HSF1: variants seen among roughly 807,000 people sequenced by gnomAD.
HSF1 encodes the protein heat shock factor protein 1.
Under a neutral mutation model 51.7 loss-of-function variants are expected in HSF1, and 32 were observed. The ratio of observed to expected loss-of-function variants is 0.62; its 90% CI spans 0.47 to 0.83. HSF1 has a LOEUF of 0.83. HSF1 is among the 40% of genes least tolerant of loss of function. HSF1 has a pLI of 0.00. For synonymous variants in HSF1, 396 were observed against 309.7 expected (o/e 1.28, Z -2.92); for missense variants, 727 against 717.0 (o/e 1.01, Z -0.16).
Position 144,311,260 on chromosome 8 carries a change from G to A in HSF1, c.564+11G>A. On this transcript the variant is annotated intron_variant, in intron 5 of 12. Transcript: ENST00000528838. The stretch of plus-strand genomic sequence containing the variant: ...AAAGTCGTCAACAAGGTGGGGGCAG[G>A]GCCAGAGGGCCGGCGGGGGCCCCAC... The A allele has an allele frequency of 1.2e-6, 2 of 1,613,484 alleles. No homozygotes were observed. Among genetic ancestry groups the A allele is most frequent in the African/African-American group, 2.7e-5 (2 of 75,076 alleles).
rs1554844661 is a variant in HSF1, at chr8:144,311,801, C to A, written c.825C>A (p.Ser275Arg). 6.2e-7 allele frequency: 1 copy of A among 1,612,044 alleles called. No homozygotes were observed. The highest frequency in any genetic ancestry group is 1.7e-5 in the Admixed American group (1 of 59,942). ...ACATCACCGAGCTGGCTCCTGCCAG[C>A]CCCATGGCCTCCCCCGGCGGGAGCA... Reference protein sequence around the residue: ...ISDITELAPASPMASPGGSID... With the variant: ...ISDITELAPARPMASPGGSID... The change falls in exon 8 of 13, where the codon AGC becomes AGA. Residue 275 changes from serine to arginine, a missense_variant. Coordinates refer to ENST00000528838, the MANE Select transcript of HSF1 (RefSeq NM_005526.4).
Position 144,311,616 on chromosome 8 carries a change from C to G in HSF1, c.723+15C>G. ...GCCCCTACTCGGTGAGTGCCGGAGA[C>G]AGGGCACCCGCCCAGGCATGCAGGC... On this transcript the variant is annotated intron_variant, in intron 7 of 12. Transcript: ENST00000528838. The G allele has an allele frequency of 6.2e-7, 1 of 1,613,026 alleles. No homozygotes were observed. The highest frequency in any genetic ancestry group is 8.5e-7 in the Non-Finnish European group (1 of 1,179,782).
intron 1 of HSF1, among the ~76,000 whole-genome samples, chr8:144,294,657 A>T (rs1815337581): frequency 6.6e-6 from 1 of 152,072 alleles, no homozygotes; most frequent in African/African-American, 2.4e-5. Context: ...TGAGATCAGG[A>T]CTCCCACTGC....
Position 144,297,041 on chromosome 8 carries a change from T to C in HSF1, c.117+5167T>C, listed in dbSNP as rs1375856699. On this transcript the variant is annotated intron_variant, in intron 1 of 12. Coordinates refer to ENST00000528838, the MANE Select transcript of HSF1 (RefSeq NM_005526.4). This position sits in a 1 kb window ranked among gnomAD's most constrained non-coding sequence, Gnocchi z 4.6. ...ATGCCCACCCAACTCCACAGGCTAGTGTTTGCTCAGTCCTTTATTGAGGGA... is the reference window on the plus strand; with the variant it reads ...ATGCCCACCCAACTCCACAGGCTAGCGTTTGCTCAGTCCTTTATTGAGGGA... Among the ~76,000 whole-genome samples, 2 of 151,892 alleles carry C rather than the reference T, an allele frequency of 1.3e-5. No individual in the cohort carries two copies. The highest frequency in any genetic ancestry group is 2.9e-5 in the Non-Finnish European group (2 of 67,994).
At chr8:144,300,258 C>T (rs1382303334) in intron 1 of HSF1, among the ~76,000 whole-genome samples, 1 of 126,438 alleles carries the variant, frequency 7.9e-6, no homozygotes, top group African/African-American at 3.1e-5. Flanking sequence ...CGCTCTGTTG[C>T]CAGGCTGGAG....
chr8:144,314,478 C>T lies in HSF1; in HGVS notation c.*148C>T, dbSNP rs535061459. On this transcript the variant is annotated 3_prime_UTR_variant, in exon 13 of 13. Transcript: ENST00000528838. Reference sequence around the variant, plus strand: ...CAAACGGGCTCGGGTCTGGGCAGCACCTCTGGTCAGGAGGGTCACCCTGGC... The same window carrying T: ...CAAACGGGCTCGGGTCTGGGCAGCATCTCTGGTCAGGAGGGTCACCCTGGC... 2 of 672,386 alleles carry T rather than the reference C, an allele frequency of 3.0e-6. No individual in the cohort carries two copies. Among genetic ancestry groups the T allele is most frequent in the East Asian group, 2.7e-5 (1 of 36,472 alleles). The allele number at this position is 672,386 out of a possible 1,614,324, so 41.7% of individuals were successfully genotyped here. A position where few individuals can be genotyped will look rare whatever the true frequency, so the allele number is the denominator to read the frequency against.
chr8:144,312,561 A>T, intron 9 of HSF1: 3 of 1,324,268 alleles, frequency 2.3e-6, no homozygotes, highest in Non-Finnish European at 3.1e-6. Flanking sequence ...GGAGATGGTG[A>T]GCAGGGCCGG....
chr8:144,311,902 G>C, intron 8 of HSF1, 61 bp from the exon 9 acceptor site: 5 of 1,582,950 alleles, frequency 3.2e-6, no homozygotes, highest in Non-Finnish European at 4.3e-6. Flanking sequence ...GCCCAGGGCA[G>C]AGTTGGGGAT....
chr8:144,296,175 C>T (rs868937746), intron 1 of HSF1, among the ~76,000 whole-genome samples: 2 of 151,982 alleles, frequency 1.3e-5, no homozygotes, highest in Admixed American at 6.6e-5. Context: ...GGGGGCAGGG[C>T]CTGAGGGGTC....
chr8:144,292,054 A>G (rs1554840491), intron 1 of HSF1, among the ~76,000 whole-genome samples, 180 bp downstream of exon 1: 1 of 151,926 alleles, frequency 6.6e-6, no homozygotes, highest in African/African-American at 2.4e-5. Context: ...CCAGAGCCTT[A>G]AGTTGGGAAA....
intron 2 of HSF1, 127 bp from the exon 3 acceptor site, chr8:144,309,328 C>A: frequency 2.2e-6 from 3 of 1,355,446 alleles, no homozygotes; most frequent in South Asian, 1.3e-5. Context: ...CAGGCATGGG[C>A]TCTGAGGGGG....
chr8:144,312,464 G>T, intron 9 of HSF1: 2 of 719,522 alleles, frequency 2.8e-6, no homozygotes, highest in South Asian at 3.4e-5. Flanking sequence ...AGGCTGCCGG[G>T]CCCTGCTCTC....
At chr8:144,300,760 G>A (rs953403265) in intron 1 of HSF1, among the ~76,000 whole-genome samples, 1 of 152,196 alleles carries the variant, frequency 6.6e-6, no homozygotes, top group Non-Finnish European at 1.5e-5. Context: ...TGATGTCCTG[G>A]AGCAGAGGAA....
intron 1 of HSF1, among the ~76,000 whole-genome samples, chr8:144,299,452 A>T (rs62532315): frequency 6.6e-6 from 1 of 151,418 alleles, no homozygotes; most frequent in African/African-American, 2.4e-5. Context: ...AAAAAAAAAA[A>T]TTCACGTCCA....
rs575990087 is a variant in HSF1 at position 144,291,656 on chromosome 8, G to T, written c.-102G>T. On this transcript the variant is annotated 5_prime_UTR_variant, in exon 1 of 13. Transcript: ENST00000528838. The surrounding 1 kb of genome is among the most constrained non-coding windows in gnomAD (Gnocchi z 4.1). ...GGCCCCGGGGCTGTGTGTGCGCAGC[G>T]GGCGGCGGCGCGGCCCGGAAGGCTG... The T allele has an allele frequency of 1.0e-4, 65 of 626,330 alleles. No homozygotes were observed. The African/African-American group carries it at 1.2e-3, about 12-fold the overall frequency. 38.8% of individuals were successfully genotyped at this position (626,330 alleles called of 1,614,324 possible). A position where few individuals can be genotyped will look rare whatever the true frequency, so the allele number is the denominator to read the frequency against.
At chr8:144,292,595 C>T (rs1554840567) in intron 1 of HSF1, 2 of 152,262 alleles carry the variant, frequency 1.3e-5, no homozygotes, top group Admixed American at 1.3e-4. Flanking sequence ...CTGCTGTTCA[C>T]ATCCCGGCTG....
At chr8:144,295,854 G>T (rs1036602079) in intron 1 of HSF1, among the ~76,000 whole-genome samples, 2 of 152,276 alleles carry the variant, frequency 1.3e-5, no homozygotes, top group East Asian at 3.9e-4. Context: ...GAGCCACCGC[G>T]CCTGGCCCTG....
chr8:144,299,270 C>A (rs988607343), intron 1 of HSF1, among the ~76,000 whole-genome samples: 1 of 151,690 alleles, frequency 6.6e-6, no homozygotes, highest in Non-Finnish European at 1.5e-5. Flanking sequence ...GGTGAAACGC[C>A]GTCTCTACTA....
chr8:144,298,820 C>T lies in HSF1; in HGVS notation c.117+6946C>T, dbSNP rs147794482. Reference sequence around the variant, plus strand: ...AGCTCCAGCAATCTGCGCGTGAGCCCGCTTGCATCTTGGGTTGGATCCGAT... The same window carrying T: ...AGCTCCAGCAATCTGCGCGTGAGCCTGCTTGCATCTTGGGTTGGATCCGAT... On this transcript the variant is annotated intron_variant, in intron 1 of 12. Transcript: ENST00000528838. Among the ~76,000 whole-genome samples, 1,314 of 152,278 alleles carry T rather than the reference C, an allele frequency of 8.6e-3. 8 individuals are homozygous for T. The highest frequency in any genetic ancestry group is 0.025 in the African/African-American group (1,048 of 41,556).
Sources: allele counts gnomAD v4.1 joint callset (sites outside exome capture counted in the v4.1 genomes callset), GRCh38; gene constraint gnomAD v4.1.1; non-coding constraint Gnocchi (gnomAD v3.1); transcripts MANE v1.5; gene names NCBI Gene and HGNC (gene_info 2026-07-23, HGNC 2026-07-21).